The following HIPK2 variants were observed in gnomAD, a reference collection of about 807,000 sequenced individuals.
HIPK2 encodes homeodomain-interacting protein kinase 2.
In HIPK2, 27 loss-of-function variants were observed where a neutral mutation model predicts 113.7. The ratio of observed to expected loss-of-function variants is 0.24; its 90% CI spans 0.17 to 0.33. The LOEUF is 0.33. Among genes scored for constraint, HIPK2 ranks in the 10% least tolerant of loss-of-function variants. The pLI is 1.00. For synonymous variants in HIPK2, 631 were observed against 642.2 expected, an observed-to-expected ratio of 0.98 and a Z score of 0.26; for missense variants, 1,257 against 1,588.0, an observed-to-expected ratio of 0.79 and a Z score of 3.54.
intron 2 of HIPK2, among the ~76,000 whole-genome samples, chr7:139,647,282 T>C (rs945669897): frequency 6.6e-6 from 1 of 152,096 alleles, no homozygotes; most frequent in African/African-American, 2.4e-5. Context: ...AGACATTGGG[T>C]GTCATTGTTC....
intron 2 of HIPK2, among the ~76,000 whole-genome samples, chr7:139,650,944 C>T (rs770817477): frequency 2.6e-5 from 4 of 152,220 alleles, no homozygotes; most frequent in East Asian, 1.9e-4. Context: ...GAGTGGGAAT[C>T]GTCCTGTCAT....
At chr7:139,626,519 G>T in intron 6 of HIPK2, 82 bp downstream of exon 6, 1 of 1,456,432 alleles carries the variant, frequency 6.9e-7, no homozygotes, top group Non-Finnish European at 9.3e-7. Flanking sequence ...AAGACCTTAT[G>T]GCCGCAAAAC....
chr7:139,603,439 G>T (rs997051663), intron 10 of HIPK2, among the ~76,000 whole-genome samples: 4 of 152,132 alleles, frequency 2.6e-5, no homozygotes, highest in Non-Finnish European at 5.9e-5. Context: ...GTTGGGCAGG[G>T]TAGAGTTCTG....
rs548801851 is a variant in HIPK2 at position 139,613,987 on chromosome 7, G to A, written c.1990+299C>T. Among the ~76,000 whole-genome samples the A allele has an allele frequency of 6.6e-6, 1 of 152,312 alleles. No individual in the cohort carries two copies. Among genetic ancestry groups the A allele is most frequent in the Admixed American group, 6.5e-5 (1 of 15,300 alleles). Reference sequence around the variant, plus strand: ...CGAGGAAAAGCAAGAGCTGACATCAGCATAACAATGAAAGCACAAACTATG... The same window carrying A: ...CGAGGAAAAGCAAGAGCTGACATCAACATAACAATGAAAGCACAAACTATG... On this transcript the variant is annotated intron_variant, in intron 8 of 14. Transcript: ENST00000406875. This position sits in a 1 kb window ranked among gnomAD's most constrained non-coding sequence, Gnocchi z 4.2.
At chr7:139,627,738 G>A (rs1800482400) in intron 5 of HIPK2, among the ~76,000 whole-genome samples, 3 of 152,142 alleles carry the variant, frequency 2.0e-5, no homozygotes, top group African/African-American at 7.2e-5. Flanking sequence ...GTTTCTCATT[G>A]CTTTAAAGAG....
chr7:139,755,761 G>A (rs1796352022), intron 1 of HIPK2, among the ~76,000 whole-genome samples: 1 of 152,246 alleles, frequency 6.6e-6, no homozygotes. Context: ...CCCCATGGAT[G>A]TCCACATGTG....
intron 2 of HIPK2, among the ~76,000 whole-genome samples, chr7:139,694,386 C>T (rs558547469): frequency 2.6e-5 from 4 of 151,978 alleles, no homozygotes; most frequent in South Asian, 2.1e-4. Flanking sequence ...TACCTCAGAT[C>T]GATGATCATG....
rs965213628 is a variant in HIPK2 at position 139,567,920 on chromosome 7, G to A, written c.*5007C>T. 6.6e-6 allele frequency: 1 copy of A among 152,298 alleles called. No homozygotes were observed. The highest frequency in any genetic ancestry group is 2.4e-5 in the African/African-American group (1 of 41,450). The allele number at this position is 152,298 out of a possible 1,614,324, so 9.4% of individuals were successfully genotyped here. A position where few individuals can be genotyped will look rare whatever the true frequency, so the allele number is the denominator to read the frequency against. On this transcript the variant is annotated 3_prime_UTR_variant, in exon 15 of 15. Coordinates refer to ENST00000406875, the MANE Select transcript of HIPK2 (RefSeq NM_022740.5). ...AAGAGAACCTGGGACAAAAGCTGGG[G>A]CGAGCTGGGTCCCCACGTCGCTCTC...
At position 139,572,898 on chromosome 7, in the gene HIPK2, T is replaced by TTCCCG; in HGVS notation, c.*28_*29insCGGGA. On this transcript the variant is annotated 3_prime_UTR_variant, in exon 15 of 15. Coordinates refer to ENST00000406875, the MANE Select transcript of HIPK2 (RefSeq NM_022740.5). The stretch of plus-strand genomic sequence containing the variant: ...CTCCTCCCTCGGGCCATTCTCTCCC[T>TTCCCG]CCCTCCCTCCCTCCCTCCCCTCCAG... 2.5e-6 allele frequency: 1 copy of TTCCCG among 407,280 alleles called. No individual in the cohort carries two copies. Among genetic ancestry groups the TTCCCG allele is most frequent in the Non-Finnish European group, 4.8e-6 (1 of 206,378 alleles). 25.2% of individuals were successfully genotyped at this position (407,280 alleles called of 1,614,324 possible). A position where few individuals can be genotyped will look rare whatever the true frequency, so the allele number is the denominator to read the frequency against.
chr7:139,679,029 T>C (rs1406329959), intron 2 of HIPK2, among the ~76,000 whole-genome samples: 1 of 152,252 alleles, frequency 6.6e-6, no homozygotes, highest in Non-Finnish European at 1.5e-5. Flanking sequence ...GAGACTTTGC[T>C]GAAGTTGCTT....
chr7:139,680,314 C>T (rs1459108732), intron 2 of HIPK2, among the ~76,000 whole-genome samples: 2 of 152,342 alleles, frequency 1.3e-5, no homozygotes, highest in East Asian at 1.9e-4. Context: ...CTCCCCACAG[C>T]GTGGCTGGTG....
At chr7:139,725,513 C>T (rs924298174) in intron 1 of HIPK2, among the ~76,000 whole-genome samples, 16 of 152,238 alleles carry the variant, frequency 1.1e-4, no homozygotes, top group African/African-American at 3.9e-4. Context: ...TAAATAACCA[C>T]CAGTATGCAC....
At chr7:139,703,888 C>T (rs1281878677) in intron 2 of HIPK2, among the ~76,000 whole-genome samples, 2 of 127,084 alleles carry the variant, frequency 1.6e-5, no homozygotes, top group African/African-American at 3.1e-5. Context: ...CACACACACA[C>T]ACACGCAACA....
intron 12 of HIPK2, among the ~76,000 whole-genome samples, chr7:139,595,359 T>G (rs1799166392): frequency 6.6e-6 from 1 of 151,942 alleles, no homozygotes; most frequent in Admixed American, 6.6e-5. Flanking sequence ...GGTGGTGGTG[T>G]GGGGGCACTG....
intron 1 of HIPK2, among the ~76,000 whole-genome samples, chr7:139,751,519 T>C (rs1648455272): frequency 6.7e-6 from 1 of 149,180 alleles, no homozygotes; most frequent in Non-Finnish European, 1.5e-5. Context: ...GGTTCCCTTA[T>C]TTGATGAATG....
At chr7:139,759,726 C>A (rs1569485392) in intron 1 of HIPK2, among the ~76,000 whole-genome samples, 2 of 152,102 alleles carry the variant, frequency 1.3e-5, no homozygotes, top group African/African-American at 4.8e-5. Flanking sequence ...TAAGAACACA[C>A]CCATACACAC....
chr7:139,563,839 T>G lies in HIPK2; in HGVS notation c.*9088A>C. The G allele has an allele frequency of 2.5e-6, 1 of 398,622 alleles. No homozygotes were observed. The highest frequency in any genetic ancestry group is 4.4e-6 in the Non-Finnish European group (1 of 226,050). The allele number at this position is 398,622 out of a possible 1,614,324, so 24.7% of individuals were successfully genotyped here. A position where few individuals can be genotyped will look rare whatever the true frequency, so the allele number is the denominator to read the frequency against. The stretch of plus-strand genomic sequence containing the variant: ...CAGGTGTTTTGCAGTTTTCAAGGTC[T>G]TATCTGCTAAAGGAATGCCCTTTAG... On this transcript the variant is annotated 3_prime_UTR_variant, in exon 15 of 15. Transcript: ENST00000406875.
At chr7:139,604,456 C>T (rs1799547685) in intron 9 of HIPK2, among the ~76,000 whole-genome samples, 2 of 152,034 alleles carry the variant, frequency 1.3e-5, no homozygotes, top group South Asian at 4.2e-4. Context: ...CTGAGGAGAG[C>T]GGATCACGAG....
chr7:139,705,104 G>T (rs1391404597), intron 2 of HIPK2, among the ~76,000 whole-genome samples: 1 of 152,194 alleles, frequency 6.6e-6, no homozygotes. Context: ...GGGCCTCCAG[G>T]CGCCTGTAAG....
Sources: allele counts gnomAD v4.1 joint callset (sites outside exome capture counted in the v4.1 genomes callset), GRCh38; gene constraint gnomAD v4.1.1; non-coding constraint Gnocchi (gnomAD v3.1); transcripts MANE v1.5; gene names NCBI Gene and HGNC (gene_info 2026-07-23, HGNC 2026-07-21).